C1QTNF3: variants seen among roughly 807,000 people sequenced by gnomAD.
C1QTNF3 encodes C1q and TNF related 3.
In C1QTNF3, 26 loss-of-function variants were observed where a neutral mutation model predicts 32.6. The ratio of observed to expected loss-of-function variants is 0.80; its 90% confidence interval spans 0.58 to 1.11. The LOEUF (loss-of-function observed/expected upper bound fraction) is 1.11. Ranked by LOEUF, C1QTNF3 falls within the 50% of genes least tolerant of loss-of-function variation. The pLI is 0.00. For missense variants in C1QTNF3, 362 were observed against 398.2 expected, an observed-to-expected ratio of 0.91 and a Z score of 0.77; for synonymous variants, 155 against 146.0, an observed-to-expected ratio of 1.06 and a Z score of -0.44.
chr5:34,137,830 GA>G, the C1QTNF3 span, among the ~76,000 whole-genome samples: 7 of 152,144 alleles, frequency 4.6e-5, no homozygotes, highest in Admixed American at 3.9e-4. Flanking sequence ...TTCTTTGCTA[GA>G]AAAAGAATTC....
chr5:34,021,195 G>A (rs188589698), intron 5 of C1QTNF3, among the ~76,000 whole-genome samples: 3 of 152,306 alleles, frequency 2.0e-5, no homozygotes, highest in Admixed American at 1.3e-4. Context: ...AGGCTGCTCC[G>A]CAACCCAAAT....
At chr5:34,100,223 C>T in the C1QTNF3 span, among the ~76,000 whole-genome samples, 27 of 152,208 alleles carry the variant, frequency 1.8e-4, no homozygotes, top group African/African-American at 6.0e-4. Flanking sequence ...AGGCAAAAGG[C>T]CAAATGCTCT....
At chr5:34,124,598 T>C in the C1QTNF3 span, 2 of 554,282 alleles carry the variant, frequency 3.6e-6, no homozygotes, top group Non-Finnish European at 6.6e-6. Context: ...ATGGTATTCA[T>C]GAGGGATCCA....
the C1QTNF3 span, among the ~76,000 whole-genome samples, chr5:34,112,559 C>A: frequency 6.6e-6 from 1 of 151,470 alleles, no homozygotes; most frequent in East Asian, 1.9e-4. Flanking sequence ...GGCCTAGCTA[C>A]TTGGGAAGCT....
upstream of C1QTNF3, chr5:34,043,240 A>T: frequency 8.7e-7 from 1 of 1,142,900 alleles, no homozygotes; most frequent in South Asian, 1.5e-5. Context: ...GAGTGGTTTT[A>T]TACTTTGGTG....
At chr5:34,132,604 T>C in the C1QTNF3 span, among the ~76,000 whole-genome samples, 3 of 152,126 alleles carry the variant, frequency 2.0e-5, no homozygotes, top group African/African-American at 7.2e-5. Flanking sequence ...TACCAAAATA[T>C]ATCAGCAGTT....
At chr5:34,054,100 G>T in the C1QTNF3 span, among the ~76,000 whole-genome samples, 1 of 152,164 alleles carries the variant, frequency 6.6e-6, no homozygotes. Flanking sequence ...TCTGCACACT[G>T]CCCAGAAGGA....
chr5:34,043,255 ATAAATAAGGCTG>A (rs1754919689), upstream of C1QTNF3: 1 of 953,134 alleles, frequency 1.0e-6, no homozygotes, highest in Admixed American at 2.7e-5. Context: ...TTGGTGTGTA[ATAAATAAGGCTG>A]TAGGCATGCC....
At chr5:34,160,177 T>C in the C1QTNF3 span, among the ~76,000 whole-genome samples, 4 of 152,208 alleles carry the variant, frequency 2.6e-5, no homozygotes, top group Non-Finnish European at 5.9e-5. Context: ...ACCAGGGCAG[T>C]GTAGTCCTAA....
At chr5:34,108,418 CCA>C in the C1QTNF3 span, among the ~76,000 whole-genome samples, 1 of 152,132 alleles carries the variant, frequency 6.6e-6, no homozygotes, top group South Asian at 2.1e-4. Flanking sequence ...AAATCCAAGT[CCA>C]CCTTAGGTGT....
At chr5:34,085,952 G>T in the C1QTNF3 span, among the ~76,000 whole-genome samples, 1 of 150,242 alleles carries the variant, frequency 6.7e-6, no homozygotes, top group African/African-American at 2.5e-5. Flanking sequence ...CATACCCAAA[G>T]GATTATAAAT....
upstream of C1QTNF3, among the ~76,000 whole-genome samples, chr5:34,045,929 T>C (rs1454344757): frequency 1.3e-5 from 2 of 152,168 alleles, no homozygotes; most frequent in Admixed American, 6.5e-5. Flanking sequence ...AAATATGACC[T>C]ATTTAAAAAT....
chr5:34,028,032 G>A (rs1382759333), intron 4 of C1QTNF3, among the ~76,000 whole-genome samples: 1 of 151,930 alleles, frequency 6.6e-6, no homozygotes, highest in South Asian at 2.1e-4. Context: ...GAGTGCAGTC[G>A]CGCGATCTCC....
At chr5:34,244,044 T>C in the C1QTNF3 span, among the ~76,000 whole-genome samples, 3 of 152,254 alleles carry the variant, frequency 2.0e-5, no homozygotes, top group Non-Finnish European at 4.4e-5. Context: ...GGATGCACAA[T>C]GTCTACAGGT....
At chr5:34,042,616 G>T (rs1754896883) in intron 1 of C1QTNF3, among the ~76,000 whole-genome samples, 1 of 152,096 alleles carries the variant, frequency 6.6e-6, no homozygotes, top group African/African-American at 2.4e-5. Context: ...TCACATCATT[G>T]CTGCCTCTGC....
the C1QTNF3 span, among the ~76,000 whole-genome samples, chr5:34,062,205 G>T: frequency 1.3e-5 from 2 of 152,082 alleles, no homozygotes; most frequent in Non-Finnish European, 2.9e-5. Flanking sequence ...AGCTGGGCTG[G>T]GTTCCTGAGT....
intron 3 of C1QTNF3, among the ~76,000 whole-genome samples, chr5:34,031,692 G>A (rs1754617669): frequency 2.0e-5 from 3 of 152,022 alleles, no homozygotes; most frequent in South Asian, 4.2e-4. Flanking sequence ...AAAATTAGCC[G>A]GGCATGGTGT....
the C1QTNF3 span, among the ~76,000 whole-genome samples, chr5:34,134,478 T>C: frequency 6.6e-6 from 1 of 152,126 alleles, no homozygotes; most frequent in African/African-American, 2.4e-5. Context: ...GTCACTTCTG[T>C]CACTGATCAG....
the C1QTNF3 span, chr5:34,218,455 A>G: frequency 6.6e-6 from 1 of 150,878 alleles, no homozygotes; most frequent in East Asian, 2.0e-4. Flanking sequence ...TGCTCTCTGC[A>G]AGAAAAAGAA....
Sources: gnomAD v4.1 joint callset for allele counts (sites outside exome capture counted in the v4.1 genomes callset) on GRCh38, gnomAD v4.1.1 for gene constraint, MANE v1.5 for transcripts, NCBI Gene and HGNC (gene_info 2026-07-23, HGNC 2026-07-21) for gene names.